PAH: variants seen among roughly 807,000 people sequenced by gnomAD.
PAH encodes phenylalanine hydroxylase.
In PAH, 64 loss-of-function variants were observed where a neutral mutation model predicts 62.0. That is an observed-to-expected ratio of 1.03 (90% confidence interval 0.84 to 1.27). The LOEUF (loss-of-function observed/expected upper bound fraction) is 1.27, where lower values mean the gene tolerates loss of function less well. PAH is among the 50% of genes most tolerant of loss of function. The pLI is 0.00. For synonymous variants in PAH, 195 were observed against 196.2 expected (o/e 0.99, Z 0.05); for missense variants, 579 against 542.8 (o/e 1.07, Z -0.66).
At chr12:102,935,647 C>T (rs574248146) in intron 1 of PAH, among the ~76,000 whole-genome samples, 1 of 151,912 alleles carries the variant, frequency 6.6e-6, no homozygotes, top group African/African-American at 2.4e-5. Flanking sequence ...AGGAATGTAT[C>T]CATTTCTTCT....
rs62507334 is a variant in PAH, at chr12:102,843,793, G to C, written c.1066-14C>G. On this transcript the variant is annotated splice_polypyrimidine_tract_variant and intron_variant, in intron 10 of 12. Transcript: ENST00000553106. ...TGATAAGCAGTACTGTAGGCCCCAA[G>C]TGAAAAGTTATTATCACTGTTAAAT... 1.9e-6 allele frequency: 3 copies of C among 1,613,058 alleles called. No individual in the cohort carries two copies. In the East Asian group the frequency reaches 6.7e-5, roughly 36 times the overall value.
intron 6 of PAH, chr12:102,853,199 A>G: frequency 1.9e-6 from 1 of 519,966 alleles, no homozygotes. Flanking sequence ...GAAATGTTCC[A>G]AGAATAAAAA....
intron 3 of PAH, among the ~76,000 whole-genome samples, chr12:102,894,041 C>T (rs892651117): frequency 6.6e-6 from 1 of 152,094 alleles, no homozygotes; most frequent in Non-Finnish European, 1.5e-5. Flanking sequence ...TGGCATGTTA[C>T]AAAAAGGACT....
In PAH at chr12:102,877,531, G is replaced by A; in HGVS notation, c.372C>T (p.Thr124=). ...KKDTVPWFPR[T]IQELDRFANQ... ...TGGCAAATCTGTCCAGCTCTTGAAT[G>A]GTTCTTGGGAACCAGGGCACTGAAA... Residue 124 remains threonine, a synonymous_variant, in exon 4 of 13, where the codon ACC becomes ACT. Coordinates refer to ENST00000553106, the MANE Select transcript of PAH (RefSeq NM_000277.3). The A allele has an allele frequency of 6.2e-7, 1 of 1,614,046 alleles. No individual in the cohort carries two copies. Among genetic ancestry groups the A allele is most frequent in the South Asian group, 1.1e-5 (1 of 91,084 alleles).
intron 3 of PAH, among the ~76,000 whole-genome samples, chr12:102,893,797 C>A (rs542586219): frequency 6.6e-6 from 1 of 152,136 alleles, no homozygotes; most frequent in Non-Finnish European, 1.5e-5. Flanking sequence ...CATTTCAGTA[C>A]GTAAATAATG....
Position 102,917,163 on chromosome 12 carries a change from T to C in PAH, c.-33A>G. ...CCCCGGGAGTGAGGTCTCTGGCTTT[T>C]TAGGGCCTCAGGTACAGGCAGGTTT... On this transcript the variant is annotated 5_prime_UTR_variant, in exon 1 of 13. Coordinates refer to ENST00000553106, the MANE Select transcript of PAH (RefSeq NM_000277.3). The C allele has an allele frequency of 3.7e-6, 6 of 1,608,494 alleles. No individual in the cohort carries two copies. Among genetic ancestry groups the C allele is most frequent in the Non-Finnish European group, 4.3e-6 (5 of 1,174,958 alleles).
intron 4 of PAH, among the ~76,000 whole-genome samples, chr12:102,868,454 C>G (rs566740224): frequency 6.6e-6 from 1 of 151,704 alleles, no homozygotes; most frequent in Non-Finnish European, 1.5e-5. Context: ...TACTCCAAAT[C>G]TAAATCCCAG....
At chr12:102,894,966 G>A (rs151301819) in intron 2 of PAH, 48 bp from the exon 3 acceptor site, 11 of 1,390,480 alleles carry the variant, frequency 7.9e-6, no homozygotes, top group East Asian at 2.3e-5. Flanking sequence ...TGGAACTAAC[G>A]CAGGCCAAAG....
chr12:102,935,742 C>T (rs1335845788), intron 1 of PAH, among the ~76,000 whole-genome samples: 5 of 151,912 alleles, frequency 3.3e-5, no homozygotes, highest in African/African-American at 7.2e-5. Context: ...TGTAATGTCT[C>T]CTTTTTCATA....
At position 102,840,473 on chromosome 12, in the gene PAH, G is replaced by C; in HGVS notation, c.1242C>G (p.Tyr414Ter). 1 of 1,613,962 alleles carries C rather than the reference G, an allele frequency of 6.2e-7. No homozygotes were observed. Among genetic ancestry groups the C allele is most frequent in the Non-Finnish European group, 8.5e-7 (1 of 1,179,870 alleles). Residue 414 changes from tyrosine (Y) to a stop codon, truncating the protein, a stop_gained, in exon 12 of 13, where the codon TAC (tyrosine) becomes TAG (stop). Coordinates refer to ENST00000553106, the MANE Select transcript of PAH (RefSeq NM_000277.3). LOFTEE classifies it high-confidence loss of function. ...CCTCAATCCTTTGGGTGTATGGGTC[G>C]TAGCGAACTGAGAAGGGCCGAGGTA... Reference protein sequence around the residue: ...ATIPRPFSVRYDPYTQRIEVL... With the variant: ...ATIPRPFSVR
intron 3 of PAH, among the ~76,000 whole-genome samples, chr12:102,882,031 T>C (rs868776164): frequency 6.6e-6 from 1 of 152,216 alleles, no homozygotes; most frequent in South Asian, 2.1e-4. Context: ...TTGAGAAACT[T>C]TCATGCTGTT....
rs184568773 is a variant in PAH, at chr12:102,860,006, C to G, written c.510-4674G>C. Among the ~76,000 whole-genome samples, 1,262 of 152,006 alleles carry G rather than the reference C, an allele frequency of 8.3e-3. 20 individuals are homozygous for G. The highest frequency in any genetic ancestry group is 0.029 in the African/African-American group (1,209 of 41,356). Reference sequence around the variant, plus strand: ...CAATCGGGCAGCAGAAAGAAATAAACGGTATTCAATTAGGAAAAGAGGAAA... The same window carrying G: ...CAATCGGGCAGCAGAAAGAAATAAAGGGTATTCAATTAGGAAAAGAGGAAA... On this transcript the variant is annotated intron_variant, in intron 5 of 12. Transcript: ENST00000553106.
chr12:102,897,438 A>C (rs1877548568), intron 2 of PAH, among the ~76,000 whole-genome samples: 1 of 139,920 alleles, frequency 7.1e-6, no homozygotes, highest in African/African-American at 2.8e-5. Flanking sequence ...TTTTCATATT[A>C]ACTCTCATAT....
Position 102,844,571 on chromosome 12 carries a change from G to A in PAH, c.970-140C>T, listed in dbSNP as rs1370466669. The A allele has an allele frequency of 5.7e-6, 4 of 706,906 alleles. No homozygotes were observed. In the Admixed American group the frequency reaches 8.0e-5, roughly 14 times the overall value. 43.8% of individuals were successfully genotyped at this position (706,906 alleles called of 1,614,324 possible). On this transcript the variant is annotated intron_variant, in intron 9 of 12. Transcript: ENST00000553106. ...TATGTCTATGAGGGTGTTTCTGGAGGGGATTGGCATGTGAGTCAGTGGACT... is the reference window on the plus strand; with the variant it reads ...TATGTCTATGAGGGTGTTTCTGGAGAGGATTGGCATGTGAGTCAGTGGACT...
chr12:102,860,725 A>C (rs552409592), intron 5 of PAH, among the ~76,000 whole-genome samples: 71 of 152,296 alleles, frequency 4.7e-4, no homozygotes, highest in African/African-American at 1.7e-3. Flanking sequence ...CAAAAACAAG[A>C]AATGGGGAAA....
At chr12:102,939,360 C>T (rs1251974723) in intron 1 of PAH, among the ~76,000 whole-genome samples, 1 of 152,130 alleles carries the variant, frequency 6.6e-6, no homozygotes, top group Non-Finnish European at 1.5e-5. Context: ...TCCCCCAGAG[C>T]CCTCTACACA....
chr12:102,870,073 CGA>C (rs773000030), intron 4 of PAH, among the ~76,000 whole-genome samples: 5 of 151,892 alleles, frequency 3.3e-5, no homozygotes, highest in Non-Finnish European at 7.4e-5. Flanking sequence ...GGGAGAAAGT[CGA>C]GAGAGTTCTA....
chr12:102,941,422 A>G (rs1255898328), intron 1 of PAH, among the ~76,000 whole-genome samples: 1 of 152,184 alleles, frequency 6.6e-6, no homozygotes, highest in South Asian at 2.1e-4. Context: ...ACCATCTGAC[A>G]TGAATGACAT....
chr12:102,840,028 G>C (rs1874515652), intron 12 of PAH, among the ~76,000 whole-genome samples: 1 of 152,178 alleles, frequency 6.6e-6, no homozygotes, highest in South Asian at 2.1e-4. Context: ...AAGGCCAACA[G>C]ATGAGCCACT....
Sources: allele counts gnomAD v4.1 joint callset (sites outside exome capture counted in the v4.1 genomes callset), GRCh38; gene constraint gnomAD v4.1.1; transcripts MANE v1.5; gene names NCBI Gene and HGNC (gene_info 2026-07-23, HGNC 2026-07-21).